The following CSMD1 variants were observed in gnomAD, a reference collection of about 807,000 sequenced individuals.
CSMD1 encodes CUB and Sushi multiple domains 1, also known as CUB and sushi domain-containing protein 1.
CSMD1 carries 213 observed loss-of-function variants against 417.5 expected under a neutral mutation model. The observed-to-expected ratio is 0.51, with a 90% CI of 0.46 to 0.57. CSMD1 has a LOEUF of 0.57. CSMD1 is among the 20% of genes least tolerant of loss of function. The pLI, the probability that CSMD1 is intolerant of heterozygous loss-of-function variation, is 0.00. For missense variants in CSMD1, 6,923 were observed against 4,529.7 expected, an observed-to-expected ratio of 1.53 and a Z score of -15.17; for synonymous variants, 2,862 against 1,736.8, an observed-to-expected ratio of 1.65 and a Z score of -16.11.
intron 51 of CSMD1, among the ~76,000 whole-genome samples, chr8:3,020,721 G>A (rs370985851): frequency 6.6e-6 from 1 of 152,224 alleles, no homozygotes; most frequent in East Asian, 1.9e-4. Flanking sequence ...TTCAGACAGA[G>A]ACACCCAGAC....
chr8:4,063,146 A>G (rs77891957), intron 3 of CSMD1, among the ~76,000 whole-genome samples: 3 of 151,870 alleles, frequency 2.0e-5, no homozygotes, highest in South Asian at 2.1e-4. Flanking sequence ...CAAAATGCCT[A>G]GAAGATTTGG....
chr8:4,197,902 C>A (rs1799431903), intron 3 of CSMD1, among the ~76,000 whole-genome samples: 1 of 152,092 alleles, frequency 6.6e-6, no homozygotes, highest in Non-Finnish European at 1.5e-5. Context: ...AAAAAAGCTT[C>A]ATCCATTTCA....
intron 7 of CSMD1, among the ~76,000 whole-genome samples, chr8:3,675,930 G>A (rs544931980): frequency 1.8e-4 from 27 of 152,268 alleles, no homozygotes; most frequent in African/African-American, 6.5e-4. Context: ...TCATTGGAGA[G>A]TAATGTACCT....
At chr8:4,900,268 G>A (rs1048788150) in intron 1 of CSMD1, among the ~76,000 whole-genome samples, 7 of 152,022 alleles carry the variant, frequency 4.6e-5, no homozygotes, top group African/African-American at 1.4e-4. Context: ...ACCTTCTTTC[G>A]CACTTTGAAT....
intron 6 of CSMD1, among the ~76,000 whole-genome samples, chr8:3,714,053 T>TAGATAGAC (rs1245072218): frequency 3.3e-5 from 5 of 151,470 alleles, no homozygotes; most frequent in African/African-American, 7.3e-5. Flanking sequence ...GATAGATAGA[T>TAGATAGAC]AGATAGATGT....
intron 3 of CSMD1, among the ~76,000 whole-genome samples, chr8:4,351,397 C>G (rs565252498): frequency 1.3e-5 from 2 of 152,288 alleles, no homozygotes; most frequent in Admixed American, 6.5e-5. Flanking sequence ...GTCTCATAGC[C>G]CATGCTGGCT....
intron 3 of CSMD1, among the ~76,000 whole-genome samples, chr8:4,411,399 T>G (rs1337731042): frequency 6.6e-6 from 1 of 152,126 alleles, no homozygotes; most frequent in Non-Finnish European, 1.5e-5. Context: ...GGTCTTAGAA[T>G]TCATTAACCA....
chr8:4,429,002 C>T (rs368545098), intron 2 of CSMD1, among the ~76,000 whole-genome samples: 1 of 152,122 alleles, frequency 6.6e-6, no homozygotes, highest in South Asian at 2.1e-4. Context: ...GCATAAGGCA[C>T]TGCACGTCGG....
chr8:4,701,098 G>C (rs905845946), intron 1 of CSMD1, among the ~76,000 whole-genome samples: 1 of 152,060 alleles, frequency 6.6e-6, no homozygotes, highest in Non-Finnish European at 1.5e-5. Flanking sequence ...GTAGAGTTAG[G>C]ATGAAAGGTG....
intron 49 of CSMD1, among the ~76,000 whole-genome samples, chr8:3,062,528 C>G (rs757564670): frequency 1.3e-5 from 2 of 148,808 alleles, no homozygotes; most frequent in Non-Finnish European, 3.0e-5. Flanking sequence ...CTAAAGCAAA[C>G]TTAAAAACAA....
intron 1 of CSMD1, among the ~76,000 whole-genome samples, chr8:4,837,124 G>C (rs1227897937): frequency 6.6e-6 from 1 of 152,058 alleles, no homozygotes; most frequent in Non-Finnish European, 1.5e-5. Flanking sequence ...ATTTCTAATA[G>C]ATCCAAATAA....
At chr8:3,065,007 C>T (rs1812826020) in intron 49 of CSMD1, among the ~76,000 whole-genome samples, 1 of 152,020 alleles carries the variant, frequency 6.6e-6, no homozygotes, top group African/African-American at 2.4e-5. Flanking sequence ...GAGGAGTTTG[C>T]CCATGCTTCC....
At chr8:4,219,008 C>T (rs1032990943) in intron 3 of CSMD1, among the ~76,000 whole-genome samples, 14 of 152,140 alleles carry the variant, frequency 9.2e-5, no homozygotes, top group Non-Finnish European at 1.6e-4. Flanking sequence ...ACAAATTATC[C>T]TCAAGTCACA....
chr8:4,452,524 TC>T, intron 2 of CSMD1, among the ~76,000 whole-genome samples: 2 of 152,324 alleles, frequency 1.3e-5, no homozygotes, highest in South Asian at 4.1e-4. Flanking sequence ...GTTCATTAAC[TC>T]AACAATTATA....
chr8:4,721,536 G>A (rs984174994), intron 1 of CSMD1, among the ~76,000 whole-genome samples: 1 of 152,080 alleles, frequency 6.6e-6, no homozygotes, highest in Non-Finnish European at 1.5e-5. Context: ...TGTTAGTATG[G>A]CTATTATCAA....
At chr8:4,140,707 G>A (rs1043587497) in intron 3 of CSMD1, among the ~76,000 whole-genome samples, 1 of 150,778 alleles carries the variant, frequency 6.6e-6, no homozygotes, top group South Asian at 2.1e-4. Flanking sequence ...ACCCATGGAT[G>A]GTGTTCTGGA....
intron 2 of CSMD1, among the ~76,000 whole-genome samples, chr8:4,600,144 G>A (rs1007383911): frequency 1.3e-5 from 2 of 152,256 alleles, no homozygotes; most frequent in South Asian, 4.1e-4. Context: ...TGCCTAGCTG[G>A]GGCCATGTAG....
At chr8:4,309,212 T>G (rs1055729652) in intron 3 of CSMD1, among the ~76,000 whole-genome samples, 1 of 152,140 alleles carries the variant, frequency 6.6e-6, no homozygotes, top group Non-Finnish European at 1.5e-5. Context: ...AGGGTCAGTT[T>G]GATATTACCG....
At chr8:4,688,513 T>G (rs1381277122) in intron 1 of CSMD1, among the ~76,000 whole-genome samples, 2 of 152,076 alleles carry the variant, frequency 1.3e-5, no homozygotes, top group Non-Finnish European at 2.9e-5. Flanking sequence ...TGAACTTCAT[T>G]AGAATACCAA....
Sources: allele counts gnomAD v4.1 joint callset (sites outside exome capture counted in the v4.1 genomes callset), GRCh38; gene constraint gnomAD v4.1.1; transcripts MANE v1.5; gene names NCBI Gene and HGNC (gene_info 2026-07-23, HGNC 2026-07-21).